TSGA10: variants seen among roughly 807,000 people sequenced by gnomAD.
The protein encoded by TSGA10 is testis specific 10.
A neutral mutation model predicts 96.6 loss-of-function variants in TSGA10; 43 were observed. The ratio of observed to expected loss-of-function variants is 0.44; its 90% CI spans 0.35 to 0.57. TSGA10 has a LOEUF of 0.57. Among genes scored for constraint, TSGA10 ranks in the 20% least tolerant of loss-of-function variants. The probability of loss-of-function intolerance (pLI) is 0.01; values close to 1 mark genes in which losing one functional copy is unlikely to be tolerated. For missense variants in TSGA10, 703 were observed against 834.4 expected (o/e 0.84, Z 1.94); for synonymous variants, 229 against 269.9 (o/e 0.85, Z 1.48).
intron 20 of TSGA10, among the ~76,000 whole-genome samples, chr2:99,012,756 A>C (rs960233378): frequency 6.6e-6 from 1 of 152,226 alleles, no homozygotes; most frequent in African/African-American, 2.4e-5. Flanking sequence ...CTCCACTGAC[A>C]GCACTAGACA....
At chr2:99,017,744 G>A (rs772797041) in intron 20 of TSGA10, among the ~76,000 whole-genome samples, 1 of 146,552 alleles carries the variant, frequency 6.8e-6, no homozygotes, top group Non-Finnish European at 1.5e-5. Context: ...CAGCCTGGAC[G>A]ACAGAGAGAG....
intron 20 of TSGA10, among the ~76,000 whole-genome samples, chr2:99,015,567 C>G (rs1047073756): frequency 3.9e-5 from 6 of 152,118 alleles, no homozygotes; most frequent in Non-Finnish European, 8.8e-5. Context: ...CAGTTGAAAG[C>G]ATTCCCCCTG....
At chr2:99,101,750 G>A (rs1433798757) in intron 10 of TSGA10, among the ~76,000 whole-genome samples, 3 of 152,154 alleles carry the variant, frequency 2.0e-5, no homozygotes, top group African/African-American at 7.2e-5. Context: ...ATGCTACAAC[G>A]TGGACAAACA....
chr2:99,149,591 C>T (rs1288875964), intron 1 of TSGA10, among the ~76,000 whole-genome samples: 3 of 149,688 alleles, frequency 2.0e-5, no homozygotes, highest in Non-Finnish European at 3.0e-5. Flanking sequence ...TACAGGTGCC[C>T]GCCACCACGC....
chr2:99,109,721 A>G (rs1217984317), intron 5 of TSGA10, among the ~76,000 whole-genome samples: 11 of 152,352 alleles, frequency 7.2e-5, no homozygotes, highest in Non-Finnish European at 1.2e-4. Flanking sequence ...AAGCAGTTAG[A>G]TATCTTTCTT....
chr2:99,086,335 A>G (rs1166715859), intron 10 of TSGA10, among the ~76,000 whole-genome samples: 4 of 152,250 alleles, frequency 2.6e-5, no homozygotes, highest in South Asian at 2.1e-4. Context: ...CATGTATGTT[A>G]AAAGTTTTAA....
intron 4 of TSGA10, among the ~76,000 whole-genome samples, chr2:99,116,857 T>G (rs762047792): frequency 1.3e-5 from 2 of 152,250 alleles, no homozygotes; most frequent in Non-Finnish European, 2.9e-5. Flanking sequence ...ATCCATCACC[T>G]TAAAAATTAT....
chr2:99,104,173 T>C, intron 9 of TSGA10, 55 bp from the exon 10 acceptor site: 1 of 1,588,528 alleles, frequency 6.3e-7, no homozygotes, highest in Non-Finnish European at 8.6e-7. Context: ...CTTAGTAATC[T>C]TCCTGAAGGG....
chr2:99,144,891 G>A (rs1192276943), intron 1 of TSGA10, among the ~76,000 whole-genome samples: 1 of 152,194 alleles, frequency 6.6e-6, no homozygotes, highest in East Asian at 1.9e-4. Context: ...ACAGCAATGG[G>A]GTGATAGGTC....
At chr2:99,003,336 C>G (rs2078134828) in intron 20 of TSGA10, among the ~76,000 whole-genome samples, 1 of 152,136 alleles carries the variant, frequency 6.6e-6, no homozygotes, top group African/African-American at 2.4e-5. Flanking sequence ...CTTAGACTCC[C>G]ACAAAATAAT....
chr2:99,053,741 T>C (rs1235355895), intron 16 of TSGA10, among the ~76,000 whole-genome samples: 2 of 152,094 alleles, frequency 1.3e-5, no homozygotes, highest in Non-Finnish European at 2.9e-5. Context: ...AAAATCAACA[T>C]ACAAAGATCA....
intron 17 of TSGA10, among the ~76,000 whole-genome samples, chr2:99,022,344 A>C (rs1032487317): frequency 4.0e-5 from 6 of 151,042 alleles, no homozygotes; most frequent in African/African-American, 9.7e-5. Context: ...AAAAAAAAAA[A>C]AAAAAAAACA....
At chr2:99,110,783 AT>A (rs1402745277) in intron 5 of TSGA10, 66 bp downstream of exon 5, 2 of 393,136 alleles carry the variant, frequency 5.1e-6, no homozygotes, top group East Asian at 1.6e-4. Context: ...CAAAGATATA[AT>A]TTTTTATAGC....
intron 10 of TSGA10, among the ~76,000 whole-genome samples, chr2:99,101,608 T>C (rs977723986): frequency 6.6e-6 from 1 of 152,100 alleles, no homozygotes; most frequent in Non-Finnish European, 1.5e-5. Context: ...AGAAAGCCTA[T>C]GGGATATATG....
intron 1 of TSGA10, among the ~76,000 whole-genome samples, chr2:99,145,189 C>T (rs140664424): frequency 0.011 from 1,638 of 152,230 alleles, 10 homozygotes; most frequent in Middle Eastern, 0.027. Flanking sequence ...CTATATTCAA[C>T]GCCAAAAATG....
Position 99,018,317 on chromosome 2 carries a change from T to C in TSGA10, c.1955A>G (p.Asn652Ser). Residue 652 changes from asparagine to serine, a missense_variant, in exon 20 of 21, where the codon AAT becomes AGT. Around this residue, in one of 3 missense-constraint regions of TSGA10, gnomAD observed 69 missense variants for 81.3 expected, o/e 0.85. Transcript: ENST00000393483. ...ERAVQELRRQ[N>S]YSSNAYHMSS... ...CATATGATAAGCATTACTTGAATAATTTTGGCGGCGAAGTTCTTGTACGGC... is the reference window on the plus strand; with the variant it reads ...CATATGATAAGCATTACTTGAATAACTTTGGCGGCGAAGTTCTTGTACGGC... 6.2e-7 allele frequency: 1 copy of C among 1,614,144 alleles called. No homozygotes were observed. Among genetic ancestry groups the C allele is most frequent in the South Asian group, 1.1e-5 (1 of 91,082 alleles).
chr2:99,105,720 T>C (rs2091273861), intron 7 of TSGA10, 23 bp from the exon 8 acceptor site: 1 of 1,574,786 alleles, frequency 6.4e-7, no homozygotes, highest in Non-Finnish European at 8.7e-7. Context: ...TCATAGACTT[T>C]GGTTGAACAA....
chr2:99,078,863 T>C, intron 11 of TSGA10, 50 bp from the exon 12 acceptor site: 1 of 1,502,298 alleles, frequency 6.7e-7, no homozygotes, highest in Non-Finnish European at 9.0e-7. Flanking sequence ...AAAATCTTTT[T>C]TCTATTTCAA....
intron 20 of TSGA10, among the ~76,000 whole-genome samples, chr2:99,005,180 A>G (rs1288414049): frequency 6.6e-6 from 1 of 152,228 alleles, no homozygotes; most frequent in Non-Finnish European, 1.5e-5. Context: ...ACCCACAGCC[A>G]GTATCATACT....
Sources: gnomAD v4.1 joint callset for allele counts (sites outside exome capture counted in the v4.1 genomes callset) on GRCh38, gnomAD v4.1.1 for gene constraint, gnomAD v4.1.1 regional missense constraint, MANE v1.5 for transcripts, NCBI Gene and HGNC (gene_info 2026-07-23, HGNC 2026-07-21) for gene names.